The following GPR55 variants were observed in gnomAD, a reference collection of about 807,000 sequenced individuals.
GPR55 encodes G protein-coupled receptor 55, also known as G-protein coupled receptor 55.
A neutral mutation model predicts 7.9 loss-of-function variants in GPR55; 6 were observed. The observed-to-expected ratio is 0.76, with a 90% CI of 0.41 to 1.49. The LOEUF (loss-of-function observed/expected upper bound fraction) is 1.49, where lower values mean the gene tolerates loss of function less well. GPR55 is among the 40% of genes most tolerant of loss of function. GPR55 has a pLI of 0.01. For missense variants in GPR55, 376 were observed against 406.0 expected, an observed-to-expected ratio of 0.93 and a Z score of 0.63; for synonymous variants, 183 against 166.8, an observed-to-expected ratio of 1.10 and a Z score of -0.75.
chr2:230,928,167 C>T (rs60960652), upstream of GPR55, among the ~76,000 whole-genome samples: 515 of 152,254 alleles, frequency 3.4e-3, 5 homozygotes, highest in African/African-American at 0.012. Context: ...ACCAGGGGCA[C>T]GGGCCGCCCC....
intron 1 of GPR55, among the ~76,000 whole-genome samples, chr2:230,912,586 C>T (rs1014165055): frequency 6.6e-6 from 1 of 152,082 alleles, no homozygotes; most frequent in African/African-American, 2.4e-5. Context: ...TGCACCACCA[C>T]GCTCACCACC....
chr2:230,948,644 C>A (rs951880305), intron 1 of GPR55, among the ~76,000 whole-genome samples: 1 of 152,188 alleles, frequency 6.6e-6, no homozygotes, highest in African/African-American at 2.4e-5. Flanking sequence ...TCCTTCCATG[C>A]CAGTGCAGAG....
At chr2:230,953,290 A>G (rs1014503270) in intron 1 of GPR55, among the ~76,000 whole-genome samples, 3 of 152,218 alleles carry the variant, frequency 2.0e-5, no homozygotes, top group Non-Finnish European at 2.9e-5. Context: ...AAGGTTGTCA[A>G]TGGAATTAAG....
At chr2:230,937,956 A>G (rs1031894048) in intron 1 of GPR55, among the ~76,000 whole-genome samples, 1 of 151,904 alleles carries the variant, frequency 6.6e-6, no homozygotes, top group Admixed American at 6.6e-5. Flanking sequence ...GGAGTTTGAG[A>G]CCAGCCTAGG....
intron 1 of GPR55, among the ~76,000 whole-genome samples, chr2:230,945,984 T>TTA (rs1691306991): frequency 6.6e-6 from 1 of 152,162 alleles, no homozygotes; most frequent in Admixed American, 6.5e-5. Flanking sequence ...TGTCCATCAG[T>TTA]GGATGAATGG....
In GPR55 at chr2:230,910,173, G is replaced by A. The variant is rs372800592; in HGVS notation, c.790C>T (p.Gln264Ter). 19 of 1,613,890 alleles carry A rather than the reference G, an allele frequency of 1.2e-5. No individual in the cohort carries two copies. The highest frequency in any genetic ancestry group is 2.7e-5 in the African/African-American group (2 of 74,930). Reference sequence around the variant, plus strand: ...AATTGCAAGAAGAAGCTGATGCTCTGCTTGGCTCTGCACTCTACGATAAAG... The same window carrying A: ...AATTGCAAGAAGAAGCTGATGCTCTACTTGGCTCTGCACTCTACGATAAAG... ...NSFIVECRAK[Q>*]SISFFLQLSM... is the part of the protein sequence containing the mutation. Residue 264 changes from glutamine (Q) to a stop codon, truncating the protein, a stop_gained, in exon 2 of 2, where the codon CAG (glutamine) becomes TAG (stop). Transcript: ENST00000650999. LOFTEE classifies it high-confidence loss of function. The surrounding 1 kb of genome is among the most constrained non-coding windows in gnomAD (Gnocchi z 5.4).
rs1690519267 is a variant in GPR55, at chr2:230,909,020, T to A, written c.*983A>T. 1.3e-5 allele frequency: 2 copies of A among 152,274 alleles called. No homozygotes were observed. The highest frequency in any genetic ancestry group is 3.8e-4 in the East Asian group (2 of 5,200). 9.4% of individuals were successfully genotyped at this position (152,274 alleles called of 1,614,324 possible). ...TGCAGGTGAGTAAGACAGCACCTCC[T>A]CCACCCTCCTATGGTGGAACCAAGG... On this transcript the variant is annotated 3_prime_UTR_variant, in exon 2 of 2. Coordinates refer to ENST00000650999, the MANE Select transcript of GPR55 (RefSeq NM_005683.4).
rs973510731 is a variant in GPR55 at position 230,909,416 on chromosome 2, T to C, written c.*587A>G. ...CTCACTGGAAACTTGGGGTGATCCATGCTACTTGCCCAGCCCCAACACCAC... is the reference window on the plus strand; with the variant it reads ...CTCACTGGAAACTTGGGGTGATCCACGCTACTTGCCCAGCCCCAACACCAC... On this transcript the variant is annotated 3_prime_UTR_variant, in exon 2 of 2. Coordinates refer to ENST00000650999, the MANE Select transcript of GPR55 (RefSeq NM_005683.4). 1 of 152,970 alleles carries C rather than the reference T, an allele frequency of 6.5e-6. No individual in the cohort carries two copies. The highest frequency in any genetic ancestry group is 1.5e-5 in the Non-Finnish European group (1 of 68,600). 9.5% of individuals were successfully genotyped at this position (152,970 alleles called of 1,614,324 possible). A position where few individuals can be genotyped will look rare whatever the true frequency, so the allele number is the denominator to read the frequency against.
upstream of GPR55, among the ~76,000 whole-genome samples, chr2:230,926,195 T>G (rs1439787975): frequency 6.6e-6 from 1 of 152,214 alleles, no homozygotes; most frequent in Non-Finnish European, 1.5e-5. Flanking sequence ...AATAACACCT[T>G]GCAAGTCACT....
At chr2:230,911,361 T>A (rs945811556) in intron 1 of GPR55, among the ~76,000 whole-genome samples, 2 of 152,142 alleles carry the variant, frequency 1.3e-5, no homozygotes, top group African/African-American at 4.8e-5. Flanking sequence ...ACATGAAAAC[T>A]AGGGTAGGGC....
Position 230,907,457 on chromosome 2 carries a change from TC to T in GPR55, c.*2545del, listed in dbSNP as rs1202349812. On this transcript the variant is annotated 3_prime_UTR_variant, in exon 2 of 2. Coordinates refer to ENST00000650999, the MANE Select transcript of GPR55 (RefSeq NM_005683.4). ...CCAGCTTGGGTTGCAGCTATGTGGG[TC>T]CAAACTCTCGGCCCTCCTGCCGAGC... 2 of 152,110 alleles carry T rather than the reference TC, an allele frequency of 1.3e-5. No individual in the cohort carries two copies. Among genetic ancestry groups the T allele is most frequent in the African/African-American group, 4.8e-5 (2 of 41,416 alleles). 9.4% of individuals were successfully genotyped at this position (152,110 alleles called of 1,614,324 possible). A position where few individuals can be genotyped will look rare whatever the true frequency, so the allele number is the denominator to read the frequency against.
At position 230,956,922 on chromosome 2, in the gene GPR55, T is replaced by TC. The variant is rs1491515635; in HGVS notation, c.-135+3852_-135+3853insG. 7.6e-4 allele frequency among the ~76,000 whole-genome samples: 52 copies of TC among 68,162 alleles called. 1 individual carries two copies. Among genetic ancestry groups the TC allele is most frequent in the Non-Finnish European group, 1.5e-3 (48 of 32,012 alleles). The allele number at this position is 68,162 out of a possible 152,430, so 44.7% of individuals were successfully genotyped here. On this transcript the variant is annotated intron_variant, in intron 1 of 1. Coordinates refer to the GPR55 transcript ENST00000392039. ...CCTCATGATGTAATTCAGATTAACC[T>TC]TTTTTTTTTTTTCAGTTCTAAGATC... is the stretch of plus-strand genomic sequence containing the variant.
intron 1 of GPR55, among the ~76,000 whole-genome samples, chr2:230,947,855 C>A (rs375835602): frequency 1.3e-5 from 2 of 152,056 alleles, no homozygotes; most frequent in Non-Finnish European, 2.9e-5. Context: ...TGGTGCCCCC[C>A]CTCCAACTCC....
intron 1 of GPR55, among the ~76,000 whole-genome samples, chr2:230,940,710 G>A (rs1025312240): frequency 1.3e-5 from 2 of 152,076 alleles, no homozygotes; most frequent in African/African-American, 4.8e-5. Flanking sequence ...TGGGCAGGTC[G>A]AAGAGTATGA....
At position 230,924,058 on chromosome 2, in the gene GPR55, G is replaced by T. The variant is rs1052571316; in HGVS notation, c.-135+1110C>A. Among the ~76,000 whole-genome samples, 1 of 152,128 alleles carries T rather than the reference G, an allele frequency of 6.6e-6. No individual in the cohort carries two copies. The highest frequency in any genetic ancestry group is 1.5e-5 in the Non-Finnish European group (1 of 68,034). On this transcript the variant is annotated intron_variant, in intron 1 of 1. Transcript: ENST00000650999. The surrounding 1 kb of genome is among the most constrained non-coding windows in gnomAD (Gnocchi z 4.5). ...CAGTCCTGAGTGGGTGCCTTGAAAAGTCCTCTGTGTATCCCAGGGGGAGCG... is the reference window on the plus strand; with the variant it reads ...CAGTCCTGAGTGGGTGCCTTGAAAATTCCTCTGTGTATCCCAGGGGGAGCG...
In GPR55 at chr2:230,923,330, C is replaced by T. The variant is rs1244394769; in HGVS notation, c.-135+1838G>A. On this transcript the variant is annotated intron_variant, in intron 1 of 1. Transcript: ENST00000650999. This position sits in a 1 kb window ranked among gnomAD's most constrained non-coding sequence, Gnocchi z 4.1. ...TCTGCACAGAGCATTGCAGCGTGAG[C>T]CACCTCAGAGATGGCAGGGCCAGAG... Among the ~76,000 whole-genome samples the T allele has an allele frequency of 6.6e-6, 1 of 152,218 alleles. No individual in the cohort carries two copies. Among genetic ancestry groups the T allele is most frequent in the Admixed American group, 6.5e-5 (1 of 15,284 alleles).
At chr2:230,920,094 G>A (rs2125054166) in intron 1 of GPR55, among the ~76,000 whole-genome samples, 1 of 149,860 alleles carries the variant, frequency 6.7e-6, no homozygotes, top group Middle Eastern at 3.4e-3. Flanking sequence ...TCTGTCTTTT[G>A]TGTGTGTGTG....
At chr2:230,959,089 T>C (rs1335904134) in intron 1 of GPR55, among the ~76,000 whole-genome samples, 2 of 152,226 alleles carry the variant, frequency 1.3e-5, no homozygotes, top group African/African-American at 4.8e-5. Context: ...TTCCTCCTCC[T>C]CACACTTTTT....
At chr2:230,922,091 T>A (rs1249743050) in intron 1 of GPR55, among the ~76,000 whole-genome samples, 1 of 152,234 alleles carries the variant, frequency 6.6e-6, no homozygotes. Flanking sequence ...TATGTGCTTA[T>A]CCAGGGTGCT....
Sources: allele counts gnomAD v4.1 joint callset (sites outside exome capture counted in the v4.1 genomes callset), GRCh38; gene constraint gnomAD v4.1.1; non-coding constraint Gnocchi (gnomAD v3.1); transcripts MANE v1.5; gene names NCBI Gene and HGNC (gene_info 2026-07-23, HGNC 2026-07-21).